PPFIA2: variants seen among roughly 807,000 people sequenced by gnomAD.
PPFIA2 encodes PPFI scaffold protein A2, also known as liprin-alpha-2.
In PPFIA2, 46 loss-of-function variants were observed where a neutral mutation model predicts 175.5. The observed-to-expected ratio is 0.26, with a 90% CI of 0.21 to 0.34. PPFIA2 has a LOEUF of 0.34. PPFIA2 is among the 10% of genes least tolerant of loss of function. The pLI is 1.00. For synonymous variants in PPFIA2, 568 were observed against 511.4 expected (o/e 1.11, Z -1.49); for missense variants, 1,179 against 1,506.1 (o/e 0.78, Z 3.60).
chr12:81,397,598 G>A (rs1248637821), intron 8 of PPFIA2, among the ~76,000 whole-genome samples: 1 of 152,052 alleles, frequency 6.6e-6, no homozygotes, highest in East Asian at 1.9e-4. Context: ...TATTGAAATA[G>A]GTTTATAAGG....
At chr12:81,647,185 C>T (rs373582913) in intron 4 of PPFIA2, among the ~76,000 whole-genome samples, 8 of 151,916 alleles carry the variant, frequency 5.3e-5, no homozygotes, top group African/African-American at 1.9e-4. Context: ...TTAAACATTC[C>T]CTTAATTGGG....
chr12:81,719,681 T>C (rs995348723), intron 3 of PPFIA2, among the ~76,000 whole-genome samples: 1 of 151,670 alleles, frequency 6.6e-6, no homozygotes, highest in Non-Finnish European at 1.5e-5. Flanking sequence ...CATTGAAGCA[T>C]ACATCTTAAA....
chr12:81,371,909 AAAC>A lies in PPFIA2; in HGVS notation c.1267-2718_1267-2716del, dbSNP rs1176184555. On this transcript the variant is annotated intron_variant, in intron 11 of 32. Transcript: ENST00000549396. ...GCTTTGCCTATACACACACACACAC[AAAC>A]ACACACACACACACAAACACACACA... is the stretch of plus-strand genomic sequence containing the variant. 2.8e-5 allele frequency among the ~76,000 whole-genome samples: 4 copies of A among 143,398 alleles called. No individual in the cohort carries two copies. The South Asian group carries it at 9.1e-4, about 33-fold the overall frequency. 94.1% of individuals were successfully genotyped at this position (143,398 alleles called of 152,430 possible).
chr12:81,410,015 T>A lies in PPFIA2; in HGVS notation c.646-4112A>T, dbSNP rs567498573. Among the ~76,000 whole-genome samples the A allele has an allele frequency of 2.6e-3, 393 of 152,188 alleles. 6 individuals carry two copies. The highest frequency in any genetic ancestry group is 6.8e-3 in the Middle Eastern group (2 of 294). The stretch of plus-strand genomic sequence containing the variant: ...GGTCTTTAGGAGACGATAAATGGAA[T>A]TAGTACCAATATAAAAGGCCTCAAG... On this transcript the variant is annotated intron_variant, in intron 7 of 32. Transcript: ENST00000549396.
At chr12:81,272,085 T>C (rs2039286385) in intron 28 of PPFIA2, among the ~76,000 whole-genome samples, 1 of 152,190 alleles carries the variant, frequency 6.6e-6, no homozygotes, top group African/African-American at 2.4e-5. Context: ...ATATCAGTTA[T>C]ATTATGTTGC....
intron 4 of PPFIA2, among the ~76,000 whole-genome samples, chr12:81,674,298 G>T (rs1360499699): frequency 1.3e-5 from 2 of 151,974 alleles, no homozygotes; most frequent in African/African-American, 4.8e-5. Context: ...ATAAGACTTT[G>T]AATTTCTTAC....
At chr12:81,260,759 G>A (rs953897862) in intron 32 of PPFIA2, 4 of 152,182 alleles carry the variant, frequency 2.6e-5, no homozygotes, top group African/African-American at 9.7e-5. Flanking sequence ...CACAAGGTGA[G>A]TTGTTCCTCT....
intron 4 of PPFIA2, among the ~76,000 whole-genome samples, chr12:81,513,223 G>A (rs558234307): frequency 6.6e-6 from 1 of 152,106 alleles, no homozygotes; most frequent in African/African-American, 2.4e-5. Flanking sequence ...TTGCAGGGAT[G>A]TACATAATTT....
At chr12:81,421,056 T>A (rs1249211714) in intron 7 of PPFIA2, among the ~76,000 whole-genome samples, 4 of 152,056 alleles carry the variant, frequency 2.6e-5, no homozygotes, top group African/African-American at 9.7e-5. Flanking sequence ...CCAAGAACAA[T>A]ATATCCAACA....
intron 31 of PPFIA2, among the ~76,000 whole-genome samples, chr12:81,262,437 C>T (rs535540413): frequency 5.0e-4 from 76 of 152,072 alleles, no homozygotes; most frequent in Non-Finnish European, 8.7e-4. Context: ...CATGTTCCAC[C>T]GTATTAACAA....
intron 7 of PPFIA2, among the ~76,000 whole-genome samples, chr12:81,410,837 A>G (rs955178672): frequency 6.6e-6 from 1 of 152,086 alleles, no homozygotes; most frequent in Non-Finnish European, 1.5e-5. Context: ...GTAAGCTGGT[A>G]GAATATGAAA....
intron 19 of PPFIA2, among the ~76,000 whole-genome samples, chr12:81,343,824 A>G (rs148243489): frequency 3.9e-5 from 6 of 152,136 alleles, no homozygotes; most frequent in African/African-American, 1.4e-4. Flanking sequence ...TTTATTTTGC[A>G]TAGTCTTGAT....
chr12:81,735,640 T>C (rs2081482049), intron 3 of PPFIA2, among the ~76,000 whole-genome samples: 1 of 151,806 alleles, frequency 6.6e-6, no homozygotes, highest in Admixed American at 6.6e-5. Context: ...TAGTGCCATG[T>C]TTAAGAAATA....
chr12:81,595,360 T>C (rs973065341), intron 4 of PPFIA2, among the ~76,000 whole-genome samples: 12 of 151,654 alleles, frequency 7.9e-5, no homozygotes, highest in South Asian at 2.1e-4. Flanking sequence ...ATACTGCAAA[T>C]ATTATTTTCC....
chr12:81,469,931 A>G lies in PPFIA2; in HGVS notation c.304-12065T>C, dbSNP rs185826687. 3.5e-3 allele frequency among the ~76,000 whole-genome samples: 539 copies of G among 152,326 alleles called. 3 individuals carry two copies. The highest frequency in any genetic ancestry group is 0.012 in the African/African-American group (504 of 41,586). ...CTCTGCTATGTGAGGGCACAGCGAG[A>G]AGGCAGCCATCTGCAAGCCAGAACG... On this transcript the variant is annotated intron_variant, in intron 4 of 32. Transcript: ENST00000549396.
intron 4 of PPFIA2, among the ~76,000 whole-genome samples, chr12:81,671,224 A>G (rs1300163311): frequency 1.3e-5 from 2 of 151,900 alleles, no homozygotes; most frequent in African/African-American, 4.8e-5. Context: ...GAAAGTTCCA[A>G]TATCAGCCTT....
intron 22 of PPFIA2, among the ~76,000 whole-genome samples, chr12:81,322,105 C>T (rs776350873): frequency 5.9e-4 from 89 of 152,088 alleles, no homozygotes; most frequent in Non-Finnish European, 1.0e-3. Context: ...CCCAAGTGCT[C>T]GGATTACAGG....
rs555210245 is a variant in PPFIA2 at position 81,625,234 on chromosome 12, A to T, written c.303+51557T>A. Among the ~76,000 whole-genome samples the T allele has an allele frequency of 2.0e-5, 3 of 151,934 alleles. No homozygotes were observed. In the South Asian group the frequency reaches 6.2e-4, roughly 32 times the overall value. On this transcript the variant is annotated intron_variant, in intron 4 of 32. Transcript: ENST00000549396. ...TGTCAGAAATGTATCTTTTCAGCTC[A>T]TGAGAATCATGAGGTTCCTAGTTGC...
intron 4 of PPFIA2, among the ~76,000 whole-genome samples, chr12:81,504,027 G>A (rs1416914388): frequency 1.3e-5 from 2 of 151,860 alleles, no homozygotes; most frequent in African/African-American, 4.8e-5. Flanking sequence ...GTGATATATT[G>A]GAGACATTAT....
Sources: allele counts gnomAD v4.1 joint callset (sites outside exome capture counted in the v4.1 genomes callset), GRCh38; gene constraint gnomAD v4.1.1; transcripts MANE v1.5; gene names NCBI Gene and HGNC (gene_info 2026-07-23, HGNC 2026-07-21).